CDC14A: variants seen among roughly 807,000 people sequenced by gnomAD.
CDC14A encodes cell division cycle 14A.
CDC14A carries 53 observed loss-of-function variants against 74.4 expected under a neutral mutation model. That is an observed-to-expected ratio of 0.71 (90% confidence interval 0.57 to 0.89). CDC14A has a LOEUF of 0.89. CDC14A is among the 40% of genes least tolerant of loss of function. The probability of loss-of-function intolerance (pLI) is 0.00; values close to 1 mark genes in which losing one functional copy is unlikely to be tolerated. For missense variants in CDC14A, 646 were observed against 713.7 expected (o/e 0.91, Z 1.08); for synonymous variants, 247 against 258.4 (o/e 0.96, Z 0.43).
At chr1:100,404,103 T>G (rs1409994409) in intron 4 of CDC14A, among the ~76,000 whole-genome samples, 1 of 151,996 alleles carries the variant, frequency 6.6e-6, no homozygotes, top group Non-Finnish European at 1.5e-5. Context: ...TTTCTGAAAT[T>G]TTAAATAAAA....
Position 100,352,507 on chromosome 1 carries a change from G to A in CDC14A, c.-448G>A, listed in dbSNP as rs1651197650. ...AGGAGGTGGCGAAGGAGGATCCGGA[G>A]CAGCTGCTGCCAGCCCGCGGGCACT... On this transcript the variant is annotated 5_prime_UTR_variant, in exon 1 of 16. Coordinates refer to ENST00000336454, the MANE Select transcript of CDC14A (RefSeq NM_003672.4). 1 of 1,034,140 alleles carries A rather than the reference G, an allele frequency of 9.7e-7. No individual in the cohort carries two copies. The highest frequency in any genetic ancestry group is 3.4e-5 in the South Asian group (1 of 29,426). The allele number at this position is 1,034,140 out of a possible 1,614,324, so 64.1% of individuals were successfully genotyped here.
intron 2 of CDC14A, among the ~76,000 whole-genome samples, chr1:100,357,472 G>C (rs1337290212): frequency 6.6e-6 from 1 of 152,212 alleles, no homozygotes; most frequent in East Asian, 1.9e-4. Flanking sequence ...CCCGGGCTCT[G>C]TCTGGAGGAC....
At chr1:100,462,617 A>G in intron 8 of CDC14A, 34 bp from the exon 9 acceptor site, 1 of 1,481,578 alleles carries the variant, frequency 6.7e-7, no homozygotes, top group East Asian at 2.3e-5. Context: ...GATGAAATGC[A>G]TGCCTTTTGC....
At chr1:100,367,691 A>C (rs994491910) in intron 2 of CDC14A, among the ~76,000 whole-genome samples, 1 of 152,166 alleles carries the variant, frequency 6.6e-6, no homozygotes, top group African/African-American at 2.4e-5. Flanking sequence ...TGGTTGTGCA[A>C]AACTTTTGAC....
intron 9 of CDC14A, among the ~76,000 whole-genome samples, chr1:100,463,680 C>T (rs1383017894): frequency 1.3e-5 from 2 of 152,118 alleles, no homozygotes; most frequent in Non-Finnish European, 2.9e-5. Context: ...TCTGGCAACC[C>T]CATGTCAGCT....
chr1:100,428,959 G>T (rs542837272), intron 5 of CDC14A, among the ~76,000 whole-genome samples: 1 of 152,170 alleles, frequency 6.6e-6, no homozygotes, highest in African/African-American at 2.4e-5. Flanking sequence ...TGTAATCCCA[G>T]TACTTTGGGA....
At chr1:100,439,854 G>A in intron 5 of CDC14A, 78 bp from the exon 6 acceptor site, 2 of 986,852 alleles carry the variant, frequency 2.0e-6, no homozygotes, top group Non-Finnish European at 3.2e-6. Flanking sequence ...CACATCTCCA[G>A]CTGACTTTGG....
chr1:100,476,426 C>A (rs761499552), intron 10 of CDC14A, among the ~76,000 whole-genome samples: 1 of 151,874 alleles, frequency 6.6e-6, no homozygotes, highest in Non-Finnish European at 1.5e-5. Flanking sequence ...CCAGCCTGGG[C>A]GACACAGCAG....
intron 15 of CDC14A, among the ~76,000 whole-genome samples, chr1:100,517,216 T>C (rs1650305007): frequency 6.6e-6 from 1 of 152,188 alleles, no homozygotes; most frequent in African/African-American, 2.4e-5. Flanking sequence ...CTTGAATCCT[T>C]TTGTAAGTTC....
chr1:100,474,145 G>A (rs371205055), intron 10 of CDC14A, among the ~76,000 whole-genome samples: 1 of 152,136 alleles, frequency 6.6e-6, no homozygotes, highest in African/African-American at 2.4e-5. Context: ...ATGGTAGATT[G>A]CATCGATTGT....
intron 15 of CDC14A, among the ~76,000 whole-genome samples, chr1:100,512,250 T>G (rs1649844289): frequency 6.6e-6 from 1 of 152,182 alleles, no homozygotes; most frequent in Non-Finnish European, 1.5e-5. Context: ...TCCTTTAAGC[T>G]TCTCAGAAAC....
At chr1:100,475,287 A>G (rs1045178146) in intron 10 of CDC14A, among the ~76,000 whole-genome samples, 1 of 151,674 alleles carries the variant, frequency 6.6e-6, no homozygotes, top group African/African-American at 2.4e-5. Flanking sequence ...GAAACTTCCT[A>G]TTTTGTCAGT....
At chr1:100,488,682 G>C (rs1472783185) in intron 11 of CDC14A, among the ~76,000 whole-genome samples, 1 of 152,176 alleles carries the variant, frequency 6.6e-6, no homozygotes, top group Non-Finnish European at 1.5e-5. Context: ...ATTCAGCCAA[G>C]TTCATACAAA....
intron 13 of CDC14A, among the ~76,000 whole-genome samples, chr1:100,497,587 A>C (rs1430319640): frequency 6.6e-6 from 1 of 152,260 alleles, no homozygotes; most frequent in Non-Finnish European, 1.5e-5. Flanking sequence ...ATAAGAAATA[A>C]AGATGGCCTC....
At chr1:100,403,803 T>C (rs1300187826) in intron 4 of CDC14A, among the ~76,000 whole-genome samples, 3 of 152,186 alleles carry the variant, frequency 2.0e-5, no homozygotes. Context: ...TAGGTCAACG[T>C]TGTGGGCCCT....
intron 4 of CDC14A, among the ~76,000 whole-genome samples, chr1:100,422,690 A>G (rs1344573028): frequency 6.6e-6 from 1 of 152,100 alleles, no homozygotes; most frequent in African/African-American, 2.4e-5. Flanking sequence ...TTTGTTTCAC[A>G]CTCAATAAGC....
intron 7 of CDC14A, 56 bp from the exon 8 acceptor site, chr1:100,455,349 A>C (rs1028357485): frequency 8.5e-7 from 1 of 1,175,958 alleles, no homozygotes; most frequent in African/African-American, 1.6e-5. Flanking sequence ...GGGTTTCCTA[A>C]ATTGTATAAG....
intron 11 of CDC14A, among the ~76,000 whole-genome samples, chr1:100,490,171 G>A (rs940850152): frequency 9.2e-5 from 14 of 152,022 alleles, no homozygotes; most frequent in African/African-American, 7.2e-5. Flanking sequence ...ACATCTTATC[G>A]GATCAATCCC....
intron 13 of CDC14A, among the ~76,000 whole-genome samples, chr1:100,496,528 A>G (rs912996010): frequency 5.3e-5 from 8 of 152,196 alleles, no homozygotes; most frequent in Non-Finnish European, 1.0e-4. Context: ...TGTCCCCTGA[A>G]ACCTCCGGGA....
Sources: allele counts gnomAD v4.1 joint callset (sites outside exome capture counted in the v4.1 genomes callset), GRCh38; gene constraint gnomAD v4.1.1; transcripts MANE v1.5; gene names NCBI Gene and HGNC (gene_info 2026-07-23, HGNC 2026-07-21).